ATOSA: variants seen among roughly 807,000 people sequenced by gnomAD.
The protein encoded by ATOSA is atos homolog protein A.
the ATOSA span, among the ~76,000 whole-genome samples, chr15:52,689,136 C>T: frequency 3.9e-5 from 6 of 152,192 alleles, no homozygotes; most frequent in South Asian, 2.1e-4. Context: ...TCCATGATCT[C>T]GGTGTGTGCC....
the ATOSA span, among the ~76,000 whole-genome samples, chr15:52,697,213 A>G: frequency 6.6e-6 from 1 of 151,756 alleles, no homozygotes; most frequent in East Asian, 1.9e-4. Flanking sequence ...TTTGTTTCTT[A>G]TGTTCCCTTT....
chr15:52,665,272 T>A, the ATOSA span, among the ~76,000 whole-genome samples: 1 of 152,132 alleles, frequency 6.6e-6, no homozygotes, highest in Non-Finnish European at 1.5e-5. Flanking sequence ...AAAGTTGAAA[T>A]TACGGGGGTG....
the ATOSA span, among the ~76,000 whole-genome samples, chr15:52,608,237 C>G: frequency 6.6e-6 from 1 of 152,060 alleles, no homozygotes; most frequent in Non-Finnish European, 1.5e-5. Context: ...GATGGGGGAG[C>G]AGGGGGAGAA....
chr15:52,666,810 G>C, the ATOSA span, among the ~76,000 whole-genome samples: 1 of 152,082 alleles, frequency 6.6e-6, no homozygotes, highest in Admixed American at 6.5e-5. Flanking sequence ...GTTGGGGAGA[G>C]GGGAAAAGAA....
the ATOSA span, among the ~76,000 whole-genome samples, chr15:52,645,566 G>C: frequency 6.6e-6 from 1 of 152,200 alleles, no homozygotes; most frequent in Non-Finnish European, 1.5e-5. Context: ...CAGTGGGTAT[G>C]ATATCTAAAA....
At chr15:52,611,631 C>A in the ATOSA span, 1 of 1,613,984 alleles carries the variant, frequency 6.2e-7, no homozygotes, top group Non-Finnish European at 8.5e-7. Context: ...CTTGCTTAAT[C>A]GCAGGATCAT....
At chr15:52,671,013 T>A in the ATOSA span, among the ~76,000 whole-genome samples, 1 of 152,114 alleles carries the variant, frequency 6.6e-6, no homozygotes, top group Non-Finnish European at 1.5e-5. Context: ...GTTTACCAAT[T>A]TGAACATACA....
At chr15:52,601,919 A>G in the ATOSA span, among the ~76,000 whole-genome samples, 1 of 152,238 alleles carries the variant, frequency 6.6e-6, no homozygotes, top group African/African-American at 2.4e-5. Context: ...CAAGTGTACC[A>G]TGTTATTTAC....
At chr15:52,625,217 T>C in the ATOSA span, among the ~76,000 whole-genome samples, 1 of 152,000 alleles carries the variant, frequency 6.6e-6, no homozygotes, top group Non-Finnish European at 1.5e-5. Context: ...AACCAGGCAA[T>C]AGCAAACTAG....
chr15:52,636,673 T>A, the ATOSA span, among the ~76,000 whole-genome samples: 2 of 152,200 alleles, frequency 1.3e-5, no homozygotes, highest in East Asian at 3.8e-4. Context: ...TCACCCAGTC[T>A]ATCGTATTTT....
the ATOSA span, among the ~76,000 whole-genome samples, chr15:52,654,811 G>C: frequency 1.3e-5 from 2 of 152,008 alleles, no homozygotes; most frequent in African/African-American, 4.8e-5. Context: ...GATACTTTAA[G>C]AGATAACATG....
the ATOSA span, among the ~76,000 whole-genome samples, chr15:52,683,355 A>G: frequency 6.6e-6 from 1 of 152,230 alleles, no homozygotes; most frequent in Non-Finnish European, 1.5e-5. Context: ...TTCCACTACA[A>G]TATTCTGAAA....
the ATOSA span, chr15:52,651,960 T>C: frequency 1.3e-6 from 2 of 1,534,870 alleles, no homozygotes; most frequent in East Asian, 2.4e-5. Flanking sequence ...AGCTATACTA[T>C]CAGTAACTGA....
the ATOSA span, chr15:52,648,614 C>T: frequency 6.6e-6 from 1 of 151,972 alleles, no homozygotes; most frequent in Non-Finnish European, 1.5e-5. Context: ...CCTCAAAAAA[C>T]AAAACACCTT....
chr15:52,585,599 T>C, the ATOSA span, among the ~76,000 whole-genome samples: 1 of 152,332 alleles, frequency 6.6e-6, no homozygotes, highest in East Asian at 1.9e-4. Flanking sequence ...CATGGAATCA[T>C]TTCAAAATTT....
the ATOSA span, chr15:52,651,976 C>A: frequency 1.2e-5 from 18 of 1,533,106 alleles, no homozygotes; most frequent in African/African-American, 2.5e-4. Flanking sequence ...ACTGAGGGAT[C>A]CAGATGTCTG....
At chr15:52,598,162 T>C in the ATOSA span, among the ~76,000 whole-genome samples, 1 of 151,988 alleles carries the variant, frequency 6.6e-6, no homozygotes, top group African/African-American at 2.4e-5. Flanking sequence ...AATATATATG[T>C]AGATATATAT....
chr15:52,702,779 C>CA, the ATOSA span, among the ~76,000 whole-genome samples: 5,013 of 91,736 alleles, frequency 0.055, 148 homozygotes, highest in South Asian at 0.11. Flanking sequence ...AAAGTGTTTC[C>CA]AAAAAAAAAA....
At chr15:52,622,234 T>C in the ATOSA span, among the ~76,000 whole-genome samples, 4 of 152,188 alleles carry the variant, frequency 2.6e-5, no homozygotes, top group Admixed American at 1.3e-4. Flanking sequence ...GGTTCTGGTA[T>C]TGAGAAATTG....
Sources: gnomAD v4.1 joint callset for allele counts (sites outside exome capture counted in the v4.1 genomes callset) on GRCh38, gnomAD v4.1.1 for gene constraint, MANE v1.5 for transcripts, NCBI Gene and HGNC (gene_info 2026-07-23, HGNC 2026-07-21) for gene names.